LTBP1: variants seen among roughly 807,000 people sequenced by gnomAD.
The protein encoded by LTBP1 is latent-transforming growth factor beta-binding protein 1.
In LTBP1, 129 loss-of-function variants were observed where a neutral mutation model predicts 207.6. That is an observed-to-expected ratio of 0.62 (90% CI 0.54 to 0.72). LTBP1 has a LOEUF of 0.72. Among genes scored for constraint, LTBP1 ranks in the 30% least tolerant of loss-of-function variants. LTBP1 has a pLI of 0.00. For synonymous variants in LTBP1, 963 were observed against 833.7 expected (o/e 1.16, Z -2.67); for missense variants, 2,281 against 2,217.2 (o/e 1.03, Z -0.58).
chr2:33,148,588 T>C (rs933018848), intron 5 of LTBP1, among the ~76,000 whole-genome samples: 2 of 152,312 alleles, frequency 1.3e-5, no homozygotes, highest in South Asian at 2.1e-4. Flanking sequence ...CTCTCCTCTT[T>C]CCCACATGGT....
At chr2:32,965,236 G>A (rs1304281262) in intron 2 of LTBP1, among the ~76,000 whole-genome samples, 1 of 152,066 alleles carries the variant, frequency 6.6e-6, no homozygotes. Flanking sequence ...TGAACAGAAA[G>A]TACAAAATTC....
chr2:33,316,482 G>C (rs2094274390), intron 24 of LTBP1, among the ~76,000 whole-genome samples: 1 of 152,196 alleles, frequency 6.6e-6, no homozygotes, highest in South Asian at 2.1e-4. Flanking sequence ...GTAAAGAGCA[G>C]AAGATTGTTG....
intron 7 of LTBP1, among the ~76,000 whole-genome samples, chr2:33,204,419 C>T (rs2089656996): frequency 6.6e-6 from 1 of 152,138 alleles, no homozygotes; most frequent in South Asian, 2.1e-4. Flanking sequence ...TTCTAAAATT[C>T]AAAATATTTT....
intron 3 of LTBP1, among the ~76,000 whole-genome samples, chr2:33,053,791 C>T (rs769033098): frequency 2.0e-5 from 3 of 152,210 alleles, no homozygotes; most frequent in Non-Finnish European, 2.9e-5. Context: ...GACCTAGACA[C>T]CTTGTACCCT....
rs187629679 is a variant in LTBP1, at chr2:33,229,428, C to T, written c.1876+7277C>T. Among the ~76,000 whole-genome samples the T allele has an allele frequency of 1.2e-4, 19 of 152,216 alleles. No individual in the cohort carries two copies. The East Asian group carries it at 2.5e-3, about 20-fold the overall frequency. On this transcript the variant is annotated intron_variant, in intron 9 of 33. Coordinates refer to ENST00000404816, the MANE Select transcript of LTBP1 (RefSeq NM_206943.4). Reference sequence around the variant, plus strand: ...GTTCGAGGCTGCAGTGAGCTATGATCGTGCCACTGCACTGAAGCCTGGGCA... The same window carrying T: ...GTTCGAGGCTGCAGTGAGCTATGATTGTGCCACTGCACTGAAGCCTGGGCA...
chr2:33,351,594 GT>G (rs1559053485), intron 26 of LTBP1, among the ~76,000 whole-genome samples: 1 of 152,168 alleles, frequency 6.6e-6, no homozygotes, highest in Admixed American at 6.5e-5. Flanking sequence ...CAACAGAACC[GT>G]TTTCCATTTG....
chr2:33,084,697 C>G (rs1279807134), intron 3 of LTBP1, among the ~76,000 whole-genome samples: 3 of 152,194 alleles, frequency 2.0e-5, no homozygotes, highest in African/African-American at 7.2e-5. Context: ...AACAGGCACA[C>G]ATTGCTTTTA....
At chr2:33,214,114 T>A (rs1462767131) in intron 7 of LTBP1, among the ~76,000 whole-genome samples, 1 of 152,120 alleles carries the variant, frequency 6.6e-6, no homozygotes, top group African/African-American at 2.4e-5. Context: ...ACCTAAAGAG[T>A]CCAGTACAAG....
rs142723113 is a variant in LTBP1 at position 33,261,156 on chromosome 2, T to C, written c.2418+1546T>C. 3.1e-3 allele frequency among the ~76,000 whole-genome samples: 466 copies of C among 152,314 alleles called. 2 individuals carry two copies. Among genetic ancestry groups the C allele is most frequent in the African/African-American group, 0.011 (438 of 41,564 alleles). On this transcript the variant is annotated intron_variant, in intron 13 of 33. Transcript: ENST00000404816. ...AGTACCAAACTGCCATTGTAATCAG[T>C]GGGGAAATACCCTGCTTCTCGACTG...
At chr2:33,239,619 T>G (rs1294766901) in intron 9 of LTBP1, among the ~76,000 whole-genome samples, 1 of 151,884 alleles carries the variant, frequency 6.6e-6, no homozygotes, top group Admixed American at 6.6e-5. Flanking sequence ...CCGGATGCAG[T>G]GGCTCACACA....
chr2:33,079,209 A>G (rs147223952), intron 3 of LTBP1, among the ~76,000 whole-genome samples: 10 of 152,326 alleles, frequency 6.6e-5, no homozygotes, highest in African/African-American at 2.2e-4. Flanking sequence ...CCAAAGATGA[A>G]TAAATGAAGG....
chr2:33,189,190 TATTGATTG>T (rs77025991), intron 7 of LTBP1, among the ~76,000 whole-genome samples: 3 of 151,070 alleles, frequency 2.0e-5, no homozygotes, highest in Middle Eastern at 3.4e-3. Flanking sequence ...TTTATTTGTT[TATTGATTG>T]ATTGATTGAT....
At chr2:33,092,061 T>C (rs1226989852) in intron 3 of LTBP1, among the ~76,000 whole-genome samples, 1 of 152,226 alleles carries the variant, frequency 6.6e-6, no homozygotes, top group Non-Finnish European at 1.5e-5. Context: ...GGAAATTACC[T>C]ACTACAAATT....
intron 5 of LTBP1, among the ~76,000 whole-genome samples, chr2:33,149,839 G>A (rs776719467): frequency 8.5e-5 from 13 of 152,174 alleles, no homozygotes; most frequent in Non-Finnish European, 1.6e-4. Context: ...AGCTATGGCT[G>A]TTGGAAAAGG....
At chr2:33,273,172 T>TC (rs2093357013) in intron 15 of LTBP1, among the ~76,000 whole-genome samples, 1 of 152,088 alleles carries the variant, frequency 6.6e-6, no homozygotes, top group African/African-American at 2.4e-5. Context: ...TAATGATAAA[T>TC]TTTGGAGGAG....
intron 29 of LTBP1, 54 bp from the exon 30 acceptor site, chr2:33,364,162 T>G: frequency 3.0e-5 from 47 of 1,569,762 alleles, no homozygotes; most frequent in Non-Finnish European, 3.8e-5. Context: ...GGGAAGTGTA[T>G]GAGGTACAAC....
chr2:33,088,526 T>C (rs1314388064), intron 3 of LTBP1, among the ~76,000 whole-genome samples: 2 of 152,188 alleles, frequency 1.3e-5, no homozygotes, highest in African/African-American at 4.8e-5. Context: ...AGGCACATTC[T>C]TGATTTGCAC....
At chr2:32,994,932 A>G (rs554212018) in intron 2 of LTBP1, among the ~76,000 whole-genome samples, 2 of 152,310 alleles carry the variant, frequency 1.3e-5, no homozygotes, top group East Asian at 1.9e-4. Context: ...GCTTATGCCT[A>G]TAACCCCAAT....
intron 24 of LTBP1, among the ~76,000 whole-genome samples, chr2:33,340,037 C>T (rs1420865967): frequency 2.0e-5 from 3 of 151,976 alleles, no homozygotes; most frequent in Non-Finnish European, 4.4e-5. Flanking sequence ...AGTTTAAGTT[C>T]ATGGCAGAAG....
Sources: gnomAD v4.1 joint callset for allele counts (sites outside exome capture counted in the v4.1 genomes callset) on GRCh38, gnomAD v4.1.1 for gene constraint, MANE v1.5 for transcripts, NCBI Gene and HGNC (gene_info 2026-07-23, HGNC 2026-07-21) for gene names.